The following NDST3 variants were observed in gnomAD, a reference collection of about 807,000 sequenced individuals.
NDST3 encodes bifunctional heparan sulfate N-deacetylase/N-sulfotransferase 3.
NDST3 carries 58 observed loss-of-function variants against 96.1 expected under a neutral mutation model. The ratio of observed to expected loss-of-function variants is 0.60; its 90% CI spans 0.49 to 0.75. NDST3 has a LOEUF of 0.75. NDST3 is among the 30% of genes least tolerant of loss of function. The probability of loss-of-function intolerance (pLI) is 0.00; values close to 1 mark genes in which losing one functional copy is unlikely to be tolerated. For missense variants in NDST3, 788 were observed against 1,034.2 expected, an observed-to-expected ratio of 0.76 and a Z score of 3.27; for synonymous variants, 333 against 359.7, an observed-to-expected ratio of 0.93 and a Z score of 0.84.
chr4:118,186,746 T>G (rs1164065239), intron 6 of NDST3, among the ~76,000 whole-genome samples: 1 of 152,220 alleles, frequency 6.6e-6, no homozygotes, highest in African/African-American at 2.4e-5. Context: ...GTATTAACCA[T>G]CACATTCTCA....
intron 2 of NDST3, among the ~76,000 whole-genome samples, chr4:118,061,693 G>A (rs948416299): frequency 6.6e-5 from 10 of 151,980 alleles, no homozygotes; most frequent in East Asian, 5.8e-4. Flanking sequence ...TTTTGTTCAC[G>A]GATGTATCTC....
At chr4:118,059,060 C>T (rs1243810531) in intron 2 of NDST3, among the ~76,000 whole-genome samples, 1 of 152,116 alleles carries the variant, frequency 6.6e-6, no homozygotes, top group East Asian at 1.9e-4. Flanking sequence ...TTACATATCA[C>T]TCCCTCCTGC....
chr4:118,208,540 T>G (rs1040061327), intron 6 of NDST3, among the ~76,000 whole-genome samples: 1 of 144,406 alleles, frequency 6.9e-6, no homozygotes, highest in Non-Finnish European at 1.5e-5. Context: ...CAAACTTTAC[T>G]TCTTAAAATT....
rs1739686157 is a variant in NDST3 at position 118,223,644 on chromosome 4, ATC to A, written c.1540-843_1540-842del. On this transcript the variant is annotated intron_variant, in intron 6 of 13. Transcript: ENST00000296499. The stretch of plus-strand genomic sequence containing the variant: ...AAATATTAACATAACTTTTTCTCTC[ATC>A]TCTGTCACATTACCTCAATGAATTT... Among the ~76,000 whole-genome samples the A allele has an allele frequency of 1.3e-5, 2 of 151,946 alleles. 1 individual carries two copies. The highest frequency in any genetic ancestry group is 4.1e-4 in the South Asian group (2 of 4,824).
chr4:118,160,373 T>C (rs1026288125), intron 6 of NDST3, among the ~76,000 whole-genome samples: 6 of 150,908 alleles, frequency 4.0e-5, no homozygotes, highest in South Asian at 2.1e-4. Context: ...ACAGAGTAAA[T>C]AGACAGCCTA....
At chr4:118,248,129 T>C (rs966932980) in intron 12 of NDST3, among the ~76,000 whole-genome samples, 5 of 152,142 alleles carry the variant, frequency 3.3e-5, no homozygotes, top group African/African-American at 1.2e-4. Flanking sequence ...GGCGGGTGGA[T>C]CACCTGAGGT....
chr4:118,071,341 A>G (rs1178861361), intron 2 of NDST3, among the ~76,000 whole-genome samples: 4 of 152,078 alleles, frequency 2.6e-5, no homozygotes, highest in Admixed American at 2.6e-4. Context: ...GGTTTGGTGT[A>G]CAGATTATTT....
At chr4:118,114,465 A>G (rs985530989) in intron 3 of NDST3, among the ~76,000 whole-genome samples, 1 of 152,176 alleles carries the variant, frequency 6.6e-6, no homozygotes, top group East Asian at 1.9e-4. Context: ...CCTAAATTAC[A>G]TTTCCTACTT....
In NDST3 at chr4:118,237,063, C is replaced by T. The variant is rs1444979266; in HGVS notation, c.1961C>T (p.Pro654Leu). ...RGIDWYMDFF[P>L]VPSNVTTDFL... ...TTTTCTAGGTATATGGATTTCTTCCCAGTCCCATCTAATGTCACTACCGAC... is the reference window on the plus strand; with the variant it reads ...TTTTCTAGGTATATGGATTTCTTCCTAGTCCCATCTAATGTCACTACCGAC... Residue 654 changes from proline to leucine, a missense_variant, in exon 10 of 14, where the codon CCA becomes CTA. Coordinates refer to ENST00000296499, the MANE Select transcript of NDST3 (RefSeq NM_004784.3). The T allele has an allele frequency of 6.2e-7, 1 of 1,605,670 alleles. No homozygotes were observed. Among genetic ancestry groups the T allele is most frequent in the African/African-American group, 1.3e-5 (1 of 74,600 alleles).
At chr4:118,227,712 C>A (rs985474079) in intron 8 of NDST3, among the ~76,000 whole-genome samples, 10 of 151,288 alleles carry the variant, frequency 6.6e-5, no homozygotes, top group African/African-American at 2.4e-4. Context: ...CCCGGGTTCA[C>A]GCCATTCTCC....
At chr4:118,214,548 T>A (rs945006196) in intron 6 of NDST3, among the ~76,000 whole-genome samples, 1 of 152,194 alleles carries the variant, frequency 6.6e-6, no homozygotes, top group African/African-American at 2.4e-5. Context: ...TAAACATATA[T>A]TTTAAATTAT....
At chr4:118,143,446 C>CA in intron 5 of NDST3, 110 bp from the exon 6 acceptor site, 1 of 1,161,830 alleles carries the variant, frequency 8.6e-7, no homozygotes, top group Admixed American at 2.7e-5. Context: ...CTGGTTAGAC[C>CA]TGAATAATTC....
chr4:118,105,151 C>G, intron 3 of NDST3, 46 bp downstream of exon 3: 1 of 1,456,450 alleles, frequency 6.9e-7, no homozygotes, highest in Non-Finnish European at 9.6e-7. Context: ...TCTCTGATCA[C>G]TCTATTTAAA....
intron 4 of NDST3, among the ~76,000 whole-genome samples, chr4:118,130,214 C>T (rs890379569): frequency 6.6e-6 from 1 of 151,990 alleles, no homozygotes; most frequent in African/African-American, 2.4e-5. Context: ...TAGAAACTTA[C>T]TCCTGCCACT....
intron 12 of NDST3, among the ~76,000 whole-genome samples, chr4:118,248,191 A>C (rs910265844): frequency 6.6e-6 from 1 of 152,032 alleles, no homozygotes; most frequent in Admixed American, 6.6e-5. Flanking sequence ...TCTCTACTAA[A>C]AATACAAAAA....
chr4:118,104,704 T>C (rs9790637), intron 2 of NDST3, among the ~76,000 whole-genome samples: 5,862 of 152,236 alleles, frequency 0.039, 205 homozygotes, highest in East Asian at 0.2. Context: ...GAAGGGTAAA[T>C]TGGATATATT....
intron 9 of NDST3, among the ~76,000 whole-genome samples, chr4:118,235,679 C>A (rs1044613733): frequency 2.6e-5 from 4 of 152,160 alleles, no homozygotes; most frequent in African/African-American, 9.7e-5. Context: ...TCTTAGCACT[C>A]CTGGAACCAG....
chr4:118,079,498 T>C (rs1331699355), intron 2 of NDST3, among the ~76,000 whole-genome samples: 1 of 152,112 alleles, frequency 6.6e-6, no homozygotes, highest in African/African-American at 2.4e-5. Context: ...GAAACAAGCC[T>C]GGTGTAATCG....
At chr4:118,097,090 T>C (rs776669350) in intron 2 of NDST3, among the ~76,000 whole-genome samples, 7 of 151,948 alleles carry the variant, frequency 4.6e-5, no homozygotes, top group Non-Finnish European at 7.4e-5. Flanking sequence ...AGTCTACTAA[T>C]TGAATGTTAG....
Sources: gnomAD v4.1 joint callset for allele counts (sites outside exome capture counted in the v4.1 genomes callset) on GRCh38, gnomAD v4.1.1 for gene constraint, MANE v1.5 for transcripts, NCBI Gene and HGNC (gene_info 2026-07-23, HGNC 2026-07-21) for gene names.